APOBEC3H: variants seen among roughly 807,000 people sequenced by gnomAD.
APOBEC3H encodes the protein DNA dC->dU-editing enzyme APOBEC-3H.
A neutral mutation model predicts 21.2 loss-of-function variants in APOBEC3H; 8 were observed. The observed-to-expected ratio is 0.38, with a 90% CI of 0.22 to 0.68. APOBEC3H has a LOEUF of 0.68. APOBEC3H is among the 30% of genes least tolerant of loss of function. The pLI is 0.52. For missense variants in APOBEC3H, 229 were observed against 228.1 expected (o/e 1.00, Z -0.03); for synonymous variants, 88 against 91.0 (o/e 0.97, Z 0.19).
intron 3 of APOBEC3H, 48 bp downstream of exon 3, chr22:39,101,552 C>A (rs1467167654): frequency 1.1e-5 from 14 of 1,258,132 alleles, no homozygotes; most frequent in Non-Finnish European, 1.5e-5. Context: ...CCCGGGGGCA[C>A]AGGCTTGGCA....
Position 39,101,323 on chromosome 22 carries a change from C to T in APOBEC3H, c.237C>T (p.Tyr79=). The change falls in exon 3 of 5, where the codon TAC becomes TAT. Residue 79 remains tyrosine (Y), a synonymous_variant. Transcript: ENST00000442487. ...CGCAGTGCTACCAAGTCACCTGTTACCTCACGTGGAGCCCCTGCTCCTCCT... is the reference window on the plus strand; with the variant it reads ...CGCAGTGCTACCAAGTCACCTGTTATCTCACGTGGAGCCCCTGCTCCTCCT... ...DETQCYQVTC[Y]LTWSPCSSCA... 6.2e-7 allele frequency: 1 copy of T among 1,613,458 alleles called. No individual in the cohort carries two copies. Among genetic ancestry groups the T allele is most frequent in the East Asian group, 2.2e-5 (1 of 44,752 alleles).
chr22:39,102,898 G>A (rs1313793088), intron 4 of APOBEC3H, among the ~76,000 whole-genome samples: 2 of 150,392 alleles, frequency 1.3e-5, no homozygotes, highest in Non-Finnish European at 1.5e-5. Flanking sequence ...GGAGGTGGGA[G>A]GTTGCAGTGA....
chr22:39,101,510 A>G lies in APOBEC3H; in HGVS notation c.418+6A>G. 6.2e-7 allele frequency: 1 copy of G among 1,600,802 alleles called. No homozygotes were observed. Among genetic ancestry groups the G allele is most frequent in the South Asian group, 1.1e-5 (1 of 90,570 alleles). On this transcript the variant is annotated splice_donor_region_variant and intron_variant, in intron 3 of 4. Transcript: ENST00000442487. ...GGAGGTCATGGGCTTCCCAGGTAGGAAAGAGGCTTTGCAGTTATAAGAGTG... is the reference window on the plus strand; with the variant it reads ...GGAGGTCATGGGCTTCCCAGGTAGGGAAGAGGCTTTGCAGTTATAAGAGTG...
intron 4 of APOBEC3H, 43 bp from the exon 5 acceptor site, chr22:39,103,646 T>C: frequency 6.2e-7 from 1 of 1,601,044 alleles, no homozygotes; most frequent in Non-Finnish European, 8.6e-7. Flanking sequence ...CCCTGTGGTG[T>C]CCCACCAGTT....
rs780861488 is a variant in APOBEC3H, at chr22:39,101,473, C to T, written c.387C>T (p.Ser129=). ...AGGGGCTGCGGCTTCTGTGTGGATC[C>T]CAGGTCCCGGTGGAGGTCATGGGCT... ...QQKGLRLLCG[S]QVPVEVMGFP... is the part of the protein sequence containing the mutation. The change falls in exon 3 of 5, where the codon TCC becomes TCT. Residue 129 remains serine, a synonymous_variant. Transcript: ENST00000442487. 1 of 1,609,250 alleles carries T rather than the reference C, an allele frequency of 6.2e-7. No individual in the cohort carries two copies. The highest frequency in any genetic ancestry group is 8.5e-7 in the Non-Finnish European group (1 of 1,178,880).
chr22:39,099,720 G>C (rs1243554587), intron 1 of APOBEC3H, among the ~76,000 whole-genome samples: 1 of 152,322 alleles, frequency 6.6e-6, no homozygotes, highest in Non-Finnish European at 1.5e-5. Context: ...TGCCCTCCCA[G>C]GTGGGAGGAT....
At chr22:39,101,213 C>G in intron 2 of APOBEC3H, 24 bp from the exon 3 acceptor site, 7 of 1,565,458 alleles carry the variant, frequency 4.5e-6, no homozygotes, top group Non-Finnish European at 6.1e-6. Context: ...CCCCTCCCTT[C>G]TCTCTGTTTG....
rs1000247179 is a variant in APOBEC3H, at chr22:39,100,498, T to G, written c.150+70T>G. 16 of 1,544,550 alleles carry G rather than the reference T, an allele frequency of 1.0e-5. No individual in the cohort carries two copies. In the Admixed American group the frequency reaches 1.6e-4, roughly 16 times the overall value. The stretch of plus-strand genomic sequence containing the variant: ...CCATCTGATGTGTGCAGAAAATACA[T>G]GAAATGCCTGCCTATAAATTTCTCA... On this transcript the variant is annotated intron_variant, in intron 2 of 4. Transcript: ENST00000442487.
At position 39,101,100 on chromosome 22, in the gene APOBEC3H, G is replaced by T. The variant is rs533617732; in HGVS notation, c.151-137G>T. On this transcript the variant is annotated intron_variant, in intron 2 of 4. Transcript: ENST00000442487. ...GGGTGCTTGCCCTGCACTAGGCCAG[G>T]CCACGCACTAGAAAGTTCACCGGAC... 5.0e-4 allele frequency: 407 copies of T among 819,442 alleles called. 9 individuals carry two copies. The South Asian group carries it at 6.9e-3, about 14-fold the overall frequency. 50.8% of individuals were successfully genotyped at this position (819,442 alleles called of 1,614,324 possible).
At chr22:39,102,814 A>G (rs942183275) in intron 4 of APOBEC3H, among the ~76,000 whole-genome samples, 2 of 151,876 alleles carry the variant, frequency 1.3e-5, no homozygotes, top group African/African-American at 4.8e-5. Context: ...CCTGGCCAAC[A>G]TGGTGAAACC....
chr22:39,101,821 C>T, intron 3 of APOBEC3H, 97 bp from the exon 4 acceptor site: 1 of 1,571,294 alleles, frequency 6.4e-7, no homozygotes, highest in Non-Finnish European at 8.7e-7. Flanking sequence ...GAGCAATGTC[C>T]AGGGAGAGGA....
chr22:39,103,649 C>T (rs201440351), intron 4 of APOBEC3H, 40 bp from the exon 5 acceptor site: 124 of 1,607,396 alleles, frequency 7.7e-5, no homozygotes, highest in Non-Finnish European at 1.0e-4. Context: ...TGTGGTGTCC[C>T]ACCAGTTGGT....
intron 4 of APOBEC3H, among the ~76,000 whole-genome samples, chr22:39,102,993 TAACTC>T (rs1929461155): frequency 9.8e-6 from 1 of 101,878 alleles, no homozygotes; most frequent in Admixed American, 1.1e-4. Context: ...AAAAAAAAAT[TAACTC>T]AACATGTGCT....
At chr22:39,100,530 G>T (rs1156450656) in intron 2 of APOBEC3H, 102 bp downstream of exon 2, 1 of 1,453,588 alleles carries the variant, frequency 6.9e-7, no homozygotes, top group African/African-American at 1.4e-5. Flanking sequence ...CTCAATTTTT[G>T]ATGTAACACC....
rs374766186 is a variant in APOBEC3H, at chr22:39,100,327, C to G, written c.49C>G (p.Arg17Gly). 6.2e-7 allele frequency: 1 copy of G among 1,613,862 alleles called. No homozygotes were observed. The highest frequency in any genetic ancestry group is 8.5e-7 in the Non-Finnish European group (1 of 1,179,948). Residue 17 changes from arginine (R) to glycine (G), a missense_variant, in exon 2 of 5, where the codon CGC becomes GGC. Transcript: ENST00000442487. Reference sequence around the variant, plus strand: ...ATTCCGCTTACAGTTTAACAACAAGCGCCGCCTCAGAAGGCCTTACTACCC... The same window carrying G: ...ATTCCGCTTACAGTTTAACAACAAGGGCCGCCTCAGAAGGCCTTACTACCC... Reference protein sequence around the residue: ...ETFRLQFNNKRRLRRPYYPRK... With the variant: ...ETFRLQFNNKGRLRRPYYPRK...
chr22:39,101,541 C>A, intron 3 of APOBEC3H, 37 bp downstream of exon 3: 3 of 1,576,674 alleles, frequency 1.9e-6, no homozygotes. Flanking sequence ...GAGTGCAAAC[C>A]CCCGGGGGCA....
intron 4 of APOBEC3H, among the ~76,000 whole-genome samples, chr22:39,102,962 CAAAAA>C (rs58524849): frequency 1.2e-4 from 11 of 94,062 alleles, no homozygotes; most frequent in African/African-American, 3.7e-4. Flanking sequence ...GACTCTGTCC[CAAAAA>C]AAAAAAAAAA....
chr22:39,098,932 G>A (rs772672137), intron 1 of APOBEC3H, among the ~76,000 whole-genome samples: 22 of 152,142 alleles, frequency 1.4e-4, no homozygotes, highest in African/African-American at 3.1e-4. Flanking sequence ...GGTGGCTCAC[G>A]CCTATAATCC....
chr22:39,099,571 C>T (rs1306863103), intron 1 of APOBEC3H, among the ~76,000 whole-genome samples: 1 of 152,204 alleles, frequency 6.6e-6, no homozygotes, highest in Non-Finnish European at 1.5e-5. Context: ...GTGAGCAGCT[C>T]AGAGCAGCTC....
Sources: gnomAD v4.1 joint callset for allele counts (sites outside exome capture counted in the v4.1 genomes callset) on GRCh38, gnomAD v4.1.1 for gene constraint, MANE v1.5 for transcripts, NCBI Gene and HGNC (gene_info 2026-07-23, HGNC 2026-07-21) for gene names.